The following FHDC1 variants were observed in gnomAD, a reference collection of about 807,000 sequenced individuals.
FHDC1 encodes the protein FH2 domain-containing protein 1.
In FHDC1, 25 loss-of-function variants were observed where a neutral mutation model predicts 52.6. The ratio of observed to expected loss-of-function variants is 0.48; its 90% confidence interval spans 0.35 to 0.66. FHDC1 has a LOEUF of 0.66. Ranked by LOEUF, FHDC1 falls within the 30% of genes least tolerant of loss-of-function variation. FHDC1 has a pLI of 0.01. For missense variants in FHDC1, 1,459 were observed against 1,452.8 expected (o/e 1.00, Z -0.07); for synonymous variants, 616 against 581.5 (o/e 1.06, Z -0.85).
intron 8 of FHDC1, among the ~76,000 whole-genome samples, chr4:152,963,347 G>A (rs1014811211): frequency 6.6e-6 from 1 of 152,218 alleles, no homozygotes; most frequent in African/African-American, 2.4e-5. Context: ...AAGCAGAGAG[G>A]CTGGTGAAGC....
At position 152,974,888 on chromosome 4, in the gene FHDC1, C is replaced by A. The variant is rs774295013; in HGVS notation, c.1597C>A (p.Pro533Thr). The A allele has an allele frequency of 1.2e-6, 2 of 1,607,310 alleles. No individual in the cohort carries two copies. The highest frequency in any genetic ancestry group is 2.7e-5 in the African/African-American group (2 of 74,918). ...PISPSSPSYR[P>T]PNTRRSRLSL... ...CAGCCCCTCCAGCCCCTCCTACCGG[C>A]CCCCGAACACCCGCCGCTCCCGCCT... The change falls in exon 12 of 12, where the codon CCC becomes ACC. Residue 533 changes from proline to threonine, a missense_variant. By Grantham distance (38) the Pro-to-Thr change is conservative (BLOSUM62 -1). This residue lies in a region of FHDC1 where 939 missense variants were observed against 854.5 expected (regional missense o/e 1.10). Coordinates refer to ENST00000511601, the MANE Select transcript of FHDC1 (RefSeq NM_001371116.1).
the FHDC1 span, among the ~76,000 whole-genome samples, chr4:152,924,117 G>A: frequency 1.3e-5 from 2 of 151,748 alleles, no homozygotes; most frequent in Non-Finnish European, 2.9e-5. Context: ...ATCTGACAAA[G>A]GGCTAATATC....
chr4:152,957,323 AAATC>A (rs1353475869), intron 4 of FHDC1, among the ~76,000 whole-genome samples: 1 of 152,186 alleles, frequency 6.6e-6, no homozygotes, highest in African/African-American at 2.4e-5. Context: ...GCACATAAAA[AAATC>A]AATCATAGCT....
Position 152,943,241 on chromosome 4 carries a change from C to T in FHDC1, c.184C>T (p.Pro62Ser), listed in dbSNP as rs144584066. The stretch of plus-strand genomic sequence containing the variant: ...GTGTCCTTCCTCCCCTCCTCCACCC[C>T]CACCACCTCCACTTCCTGGGGAGCC... ...EECPSSPPPPPPPPLPGEPPI... is the reference protein window; with the variant it reads ...EECPSSPPPPSPPPLPGEPPI... The change falls in exon 2 of 12, where the codon CCA (proline) becomes TCA (serine). Residue 62 changes from proline to serine, a missense_variant. Coordinates refer to ENST00000511601, the MANE Select transcript of FHDC1 (RefSeq NM_001371116.1). 6.2e-7 allele frequency: 1 copy of T among 1,608,672 alleles called. No individual in the cohort carries two copies. The highest frequency in any genetic ancestry group is 8.5e-7 in the Non-Finnish European group (1 of 1,177,298).
intron 9 of FHDC1, 53 bp from the exon 10 acceptor site, chr4:152,967,927 A>G (rs1174695073): frequency 7.4e-6 from 10 of 1,353,412 alleles, no homozygotes; most frequent in Admixed American, 3.6e-5. Context: ...ATATACCTAC[A>G]TGACACATGG....
chr4:152,941,951 C>T (rs1191235054), intron 1 of FHDC1, among the ~76,000 whole-genome samples: 3 of 152,156 alleles, frequency 2.0e-5, no homozygotes, highest in African/African-American at 7.2e-5. Flanking sequence ...TACCTGTTCT[C>T]GTATCTGAAG....
chr4:152,968,060 A>G lies in FHDC1; in HGVS notation c.1181A>G (p.Asp394Gly), dbSNP rs777550295. 1 of 1,613,880 alleles carries G rather than the reference A, an allele frequency of 6.2e-7. No homozygotes were observed. The highest frequency in any genetic ancestry group is 2.2e-5 in the East Asian group (1 of 44,858). Reference sequence around the variant, plus strand: ...TCACTAAAAGAAAACATCCAGCGGGATGGTGAACTTTGTCAGCAGATGGAA... The same window carrying G: ...TCACTAAAAGAAAACATCCAGCGGGGTGGTGAACTTTGTCAGCAGATGGAA... Reference protein sequence around the residue: ...TKSLKENIQRDGELCQQMEDF... With the variant: ...TKSLKENIQRGGELCQQMEDF... Residue 394 changes from aspartate (D) to glycine (G), a missense_variant, in exon 10 of 12, where the codon GAT becomes GGT. Coordinates refer to ENST00000511601, the MANE Select transcript of FHDC1 (RefSeq NM_001371116.1).
In FHDC1 at chr4:152,972,466, CA is replaced by C. The variant is rs1303890230; in HGVS notation, c.1315del (p.Thr439ProfsTer2). The C allele has an allele frequency of 5.0e-6, 8 of 1,613,320 alleles. No homozygotes were observed. Among genetic ancestry groups the C allele is most frequent in the African/African-American group, 1.3e-5 (1 of 74,932 alleles). ...YTLIDFFCED[K>X]KTMKLDECFQ... ...CCCTTATAGATTTTTTCTGTGAAGACAAAAAAACCATGAAACTGGATGAATG... is the reference window on the plus strand; with the variant it reads ...CCCTTATAGATTTTTTCTGTGAAGACAAAAAACCATGAAACTGGATGAATG... On this transcript the variant is annotated frameshift_variant, in exon 11 of 12. Coordinates refer to ENST00000511601, the MANE Select transcript of FHDC1 (RefSeq NM_001371116.1). LOFTEE classifies it high-confidence loss of function.
chr4:152,966,060 TATAAG>T (rs923247573), intron 9 of FHDC1, among the ~76,000 whole-genome samples: 2 of 152,238 alleles, frequency 1.3e-5, no homozygotes, highest in African/African-American at 4.8e-5. Context: ...ATGGACATCT[TATAAG>T]ATAGGAACTT....
the FHDC1 span, among the ~76,000 whole-genome samples, chr4:152,920,937 T>A: frequency 2.6e-5 from 4 of 152,030 alleles, no homozygotes; most frequent in African/African-American, 9.7e-5. Context: ...ATAAGTTTTT[T>A]CCTTAAATCC....
upstream of FHDC1, among the ~76,000 whole-genome samples, chr4:152,934,658 A>G (rs762436826): frequency 1.1e-4 from 17 of 152,170 alleles, no homozygotes; most frequent in Non-Finnish European, 2.4e-4. Flanking sequence ...GAGTTGGAAA[A>G]ACCTTGTTAC....
intron 4 of FHDC1, among the ~76,000 whole-genome samples, chr4:152,957,876 G>A (rs184414553): frequency 6.6e-6 from 1 of 152,270 alleles, no homozygotes; most frequent in African/African-American, 2.4e-5. Flanking sequence ...ATGAAACTCT[G>A]GGAGTGTGTT....
At chr4:152,962,050 A>T (rs964520731) in intron 6 of FHDC1, among the ~76,000 whole-genome samples, 1 of 152,212 alleles carries the variant, frequency 6.6e-6, no homozygotes, top group African/African-American at 2.4e-5. Context: ...ATATTAACTT[A>T]AAAATGTCAG....
intron 10 of FHDC1, among the ~76,000 whole-genome samples, chr4:152,972,021 C>A (rs1047953793): frequency 6.6e-6 from 1 of 152,168 alleles, no homozygotes; most frequent in African/African-American, 2.4e-5. Flanking sequence ...GGAAGAAGAA[C>A]AGATGCAAAA....
intron 1 of FHDC1, among the ~76,000 whole-genome samples, chr4:152,937,792 G>A (rs994771949): frequency 6.6e-6 from 1 of 152,112 alleles, no homozygotes; most frequent in Admixed American, 6.5e-5. Flanking sequence ...CGCGCGGCCC[G>A]TGGGCCGCCC....
At chr4:152,938,190 C>CTTTTT (rs72024131) in intron 1 of FHDC1, among the ~76,000 whole-genome samples, 8 of 136,258 alleles carry the variant, frequency 5.9e-5, no homozygotes, top group Non-Finnish European at 3.1e-5. Flanking sequence ...CACGCATGTG[C>CTTTTT]TTTTTTTTTT....
In FHDC1 at chr4:152,976,303, C is replaced by T. The variant is rs1378204756; in HGVS notation, c.3012C>T (p.Arg1004=). 3 of 1,613,628 alleles carry T rather than the reference C, an allele frequency of 1.9e-6. No individual in the cohort carries two copies. Among genetic ancestry groups the T allele is most frequent in the Admixed American group, 3.3e-5 (2 of 60,022 alleles). The change falls in exon 12 of 12, where the codon CGC becomes CGT. Residue 1004 remains arginine, a synonymous_variant. Coordinates refer to ENST00000511601, the MANE Select transcript of FHDC1 (RefSeq NM_001371116.1). The stretch of plus-strand genomic sequence containing the variant: ...AGCCTGAGGAAAATAAGACCTGCCG[C>T]GCCCACTCCGAGGGCCCTGAGAGTC... The part of the protein sequence containing the change: ...RQKPEENKTC[R]AHSEGPESPK...
At chr4:152,960,952 T>C (rs1189117766) in intron 6 of FHDC1, 108 bp downstream of exon 6, 13 of 723,514 alleles carry the variant, frequency 1.8e-5, no homozygotes, top group Middle Eastern at 4.0e-4. Flanking sequence ...ATTTCTGATA[T>C]ACCCTTAAAA....
chr4:152,974,892 C>T lies in FHDC1; in HGVS notation c.1601C>T (p.Pro534Leu), dbSNP rs565869629. 15 of 1,606,708 alleles carry T rather than the reference C, an allele frequency of 9.3e-6. No homozygotes were observed. Among genetic ancestry groups the T allele is most frequent in the East Asian group, 6.7e-5 (3 of 44,640 alleles). ...CCCTCCAGCCCCTCCTACCGGCCCC[C>T]GAACACCCGCCGCTCCCGCCTCTCC... ...ISPSSPSYRP[P>L]NTRRSRLSLG... The change falls in exon 12 of 12, where the codon CCG becomes CTG. Residue 534 changes from proline to leucine, a missense_variant. By Grantham distance (98) the Pro-to-Leu change is moderately conservative. Around this residue, in one of 3 missense-constraint regions of FHDC1, gnomAD observed 939 missense variants for 854.5 expected, o/e 1.10. Coordinates refer to ENST00000511601, the MANE Select transcript of FHDC1 (RefSeq NM_001371116.1).
Sources: allele counts gnomAD v4.1 joint callset (sites outside exome capture counted in the v4.1 genomes callset), GRCh38; gene constraint gnomAD v4.1.1; regional missense constraint gnomAD v4.1.1; transcripts MANE v1.5; gene names NCBI Gene and HGNC (gene_info 2026-07-23, HGNC 2026-07-21).